The following TFAP2C variants were observed in gnomAD, a reference collection of about 807,000 sequenced individuals.
TFAP2C encodes transcription factor AP-2 gamma, also known as activating enhancer-binding protein 2 gamma.
In TFAP2C, 9 loss-of-function variants were observed where a neutral mutation model predicts 42.9. The observed-to-expected ratio is 0.21, with a 90% confidence interval of 0.13 to 0.37. The LOEUF (loss-of-function observed/expected upper bound fraction) is 0.37, where lower values mean the gene tolerates loss of function less well. TFAP2C is among the 10% of genes least tolerant of loss of function. The pLI is 1.00. For missense variants in TFAP2C, 462 were observed against 591.7 expected, an observed-to-expected ratio of 0.78 and a Z score of 2.27; for synonymous variants, 264 against 256.0, an observed-to-expected ratio of 1.03 and a Z score of -0.30.
intron 3 of TFAP2C, among the ~76,000 whole-genome samples, chr20:56,632,155 T>C (rs924034059): frequency 6.6e-6 from 1 of 152,230 alleles, no homozygotes; most frequent in Non-Finnish European, 1.5e-5. Flanking sequence ...GAGTGAACAC[T>C]GATTTAACTT....
chr20:56,629,658 G>T lies in TFAP2C; in HGVS notation c.48+66G>T. Reference sequence around the variant, plus strand: ...ACAGTCCGGGAGGCAGGGGCCACTGGACCGAGGTCGGGGACGAGGGCATAG... The same window carrying T: ...ACAGTCCGGGAGGCAGGGGCCACTGTACCGAGGTCGGGGACGAGGGCATAG... On this transcript the variant is annotated intron_variant, in intron 1 of 6. Transcript: ENST00000201031. The surrounding 1 kb of genome is among the most constrained non-coding windows in gnomAD (Gnocchi z 5.9). 1 of 1,294,418 alleles carries T rather than the reference G, an allele frequency of 7.7e-7. No individual in the cohort carries two copies. The allele number at this position is 1,294,418 out of a possible 1,614,324, so 80.2% of individuals were successfully genotyped here. A position where few individuals can be genotyped will look rare whatever the true frequency, so the allele number is the denominator to read the frequency against.
In TFAP2C at chr20:56,629,917, T is replaced by G. The variant is rs987413078; in HGVS notation, c.48+325T>G. 2.0e-5 allele frequency among the ~76,000 whole-genome samples: 3 copies of G among 152,020 alleles called. No homozygotes were observed. Among genetic ancestry groups the G allele is most frequent in the Admixed American group, 2.0e-4 (3 of 15,272 alleles). On this transcript the variant is annotated intron_variant, in intron 1 of 6. Coordinates refer to ENST00000201031, the MANE Select transcript of TFAP2C (RefSeq NM_003222.4). This position sits in a 1 kb window ranked among gnomAD's most constrained non-coding sequence, Gnocchi z 5.9. ...GTGCCCCGTCTGCAACCCTCAGACG[T>G]GGCTTTTACGCACGAAGTCTCTGTC...
At chr20:56,636,052 G>A (rs145482242) in intron 5 of TFAP2C, among the ~76,000 whole-genome samples, 1 of 152,236 alleles carries the variant, frequency 6.6e-6, no homozygotes, top group African/African-American at 2.4e-5. Context: ...GGATACAGAG[G>A]GCTGACTTGA....
chr20:56,629,482 C>A lies in TFAP2C; in HGVS notation c.-63C>A. The A allele has an allele frequency of 6.0e-6, 8 of 1,338,118 alleles. No individual in the cohort carries two copies. The highest frequency in any genetic ancestry group is 7.7e-6 in the Non-Finnish European group (8 of 1,033,972). 82.9% of individuals were successfully genotyped at this position (1,338,118 alleles called of 1,614,324 possible). On this transcript the variant is annotated 5_prime_UTR_variant, in exon 1 of 7. Transcript: ENST00000201031. This position sits in a 1 kb window ranked among gnomAD's most constrained non-coding sequence, Gnocchi z 5.9. The stretch of plus-strand genomic sequence containing the variant: ...CACCGTGACCCCGATTTTGGATTTA[C>A]CGCTTGGGGGCTGGGGGGATCCTGG...
At chr20:56,636,162 C>A (rs1297584016) in intron 5 of TFAP2C, among the ~76,000 whole-genome samples, 1 of 152,192 alleles carries the variant, frequency 6.6e-6, no homozygotes, top group African/African-American at 2.4e-5. Flanking sequence ...CTAGAAAGTT[C>A]TACCTACCAG....
At chr20:56,634,333 T>C in intron 5 of TFAP2C, 65 bp downstream of exon 5, 3 of 1,206,706 alleles carry the variant, frequency 2.5e-6, no homozygotes, top group Non-Finnish European at 3.6e-6. Flanking sequence ...TAATACTTAT[T>C]GCAGAAAAAC....
rs764190602 is a variant in TFAP2C at position 56,629,606 on chromosome 20, C to G, written c.48+14C>G. The G allele has an allele frequency of 1.4e-6, 2 of 1,404,710 alleles. No individual in the cohort carries two copies. Among genetic ancestry groups the G allele is most frequent in the African/African-American group, 3.0e-5 (2 of 67,148 alleles). The allele number at this position is 1,404,710 out of a possible 1,614,324, so 87.0% of individuals were successfully genotyped here. On this transcript the variant is annotated intron_variant, in intron 1 of 6. Transcript: ENST00000201031. The surrounding 1 kb of genome is among the most constrained non-coding windows in gnomAD (Gnocchi z 5.9). The stretch of plus-strand genomic sequence containing the variant: ...GAGGACTGCGAGGTGAGCTGGGGCT[C>G]CGGGGTGCAGCCCCGCCCCGCCGAG...
chr20:56,639,053 T>A lies in TFAP2C; in HGVS notation c.*1040T>A, dbSNP rs1205207747. ...TACAGGGTATTAAGAATTAAGAGGATGCTGGGCTCTGTTCTTGGCTTGGAA... is the reference window on the plus strand; with the variant it reads ...TACAGGGTATTAAGAATTAAGAGGAAGCTGGGCTCTGTTCTTGGCTTGGAA... On this transcript the variant is annotated 3_prime_UTR_variant, in exon 7 of 7. Transcript: ENST00000201031. 1 of 152,608 alleles carries A rather than the reference T, an allele frequency of 6.6e-6. No individual in the cohort carries two copies. Among genetic ancestry groups the A allele is most frequent in the Admixed American group, 6.6e-5 (1 of 15,264 alleles). The allele number at this position is 152,608 out of a possible 1,614,324, so 9.5% of individuals were successfully genotyped here. A position where few individuals can be genotyped will look rare whatever the true frequency, so the allele number is the denominator to read the frequency against.
In TFAP2C at chr20:56,638,093, C is replaced by T; in HGVS notation, c.*80C>T. 7.6e-7 allele frequency: 1 copy of T among 1,323,516 alleles called. No individual in the cohort carries two copies. Among genetic ancestry groups the T allele is most frequent in the Non-Finnish European group, 1.0e-6 (1 of 973,352 alleles). The allele number at this position is 1,323,516 out of a possible 1,614,324, so 82.0% of individuals were successfully genotyped here. A position where few individuals can be genotyped will look rare whatever the true frequency, so the allele number is the denominator to read the frequency against. On this transcript the variant is annotated 3_prime_UTR_variant, in exon 7 of 7. Coordinates refer to ENST00000201031, the MANE Select transcript of TFAP2C (RefSeq NM_003222.4). ...CTTCTCCACCGCACAGACTGGGAACCCCTCCTGGCCTGGGGGAAGAGTTTG... is the reference window on the plus strand; with the variant it reads ...CTTCTCCACCGCACAGACTGGGAACTCCTCCTGGCCTGGGGGAAGAGTTTG...
In TFAP2C at chr20:56,631,025, T is replaced by G; in HGVS notation, c.49-180T>G. ...GACTCTCCTCCCTCCCCGCACTCTT[T>G]GCTTACAACGAAATCCTCGGGGCGC... On this transcript the variant is annotated intron_variant, in intron 1 of 6. Coordinates refer to ENST00000201031, the MANE Select transcript of TFAP2C (RefSeq NM_003222.4). This position sits in a 1 kb window ranked among gnomAD's most constrained non-coding sequence, Gnocchi z 6.1. 1 of 985,296 alleles carries G rather than the reference T, an allele frequency of 1.0e-6. No homozygotes were observed. Among genetic ancestry groups the G allele is most frequent in the South Asian group, 4.7e-5 (1 of 21,286 alleles). 61.0% of individuals were successfully genotyped at this position (985,296 alleles called of 1,614,324 possible). A position where few individuals can be genotyped will look rare whatever the true frequency, so the allele number is the denominator to read the frequency against.
At chr20:56,633,648 C>A in intron 4 of TFAP2C, 79 bp downstream of exon 4, 1 of 1,050,364 alleles carries the variant, frequency 9.5e-7, no homozygotes, top group Non-Finnish European at 1.4e-6. Context: ...GTATTTTTAA[C>A]ATTTATGTGA....
chr20:56,638,091 A>G lies in TFAP2C; in HGVS notation c.*78A>G. 8 of 1,360,002 alleles carry G rather than the reference A, an allele frequency of 5.9e-6. No individual in the cohort carries two copies. The highest frequency in any genetic ancestry group is 8.0e-6 in the Non-Finnish European group (8 of 1,000,928). 84.2% of individuals were successfully genotyped at this position (1,360,002 alleles called of 1,614,324 possible). A position where few individuals can be genotyped will look rare whatever the true frequency, so the allele number is the denominator to read the frequency against. Reference sequence around the variant, plus strand: ...TCCTTCTCCACCGCACAGACTGGGAACCCCTCCTGGCCTGGGGGAAGAGTT... The same window carrying G: ...TCCTTCTCCACCGCACAGACTGGGAGCCCCTCCTGGCCTGGGGGAAGAGTT... On this transcript the variant is annotated 3_prime_UTR_variant, in exon 7 of 7. Coordinates refer to ENST00000201031, the MANE Select transcript of TFAP2C (RefSeq NM_003222.4).
In TFAP2C at chr20:56,631,670, C is replaced by A; in HGVS notation, c.514C>A (p.His172Asn). Residue 172 changes from histidine (H) to asparagine (N), a missense_variant, in exon 2 of 7, where the codon CAC (histidine) becomes AAC (asparagine). By Grantham distance (68) the His-to-Asn change is moderately conservative (BLOSUM62 1). Transcript: ENST00000201031. The surrounding 1 kb of genome is among the most constrained non-coding windows in gnomAD (Gnocchi z 6.1). ...AENLGLHDMP[H>N]QMDEVQNVDD... ...GAACCTGGGGCTCCACGACATGCCT[C>A]ACCAGATGGACGAGGTGCAGGTGAG... The A allele has an allele frequency of 6.3e-7, 1 of 1,589,612 alleles. No individual in the cohort carries two copies.
At chr20:56,635,220 C>T (rs1424906335) in intron 5 of TFAP2C, among the ~76,000 whole-genome samples, 1 of 152,168 alleles carries the variant, frequency 6.6e-6, no homozygotes, top group African/African-American at 2.4e-5. Context: ...AGCTGTCCTG[C>T]CTGTAGAATC....
rs1271080617 is a variant in TFAP2C, at chr20:56,639,095, A to C, written c.*1082A>C. The C allele has an allele frequency of 6.6e-6, 1 of 152,572 alleles. No homozygotes were observed. Among genetic ancestry groups the C allele is most frequent in the Non-Finnish European group, 1.5e-5 (1 of 68,024 alleles). The allele number at this position is 152,572 out of a possible 1,614,324, so 9.5% of individuals were successfully genotyped here. A position where few individuals can be genotyped will look rare whatever the true frequency, so the allele number is the denominator to read the frequency against. On this transcript the variant is annotated 3_prime_UTR_variant, in exon 7 of 7. Coordinates refer to ENST00000201031, the MANE Select transcript of TFAP2C (RefSeq NM_003222.4). ...GGCTTGGAAGATTCTATTTAATTGA[A>C]ACTCTCTGTTCAGAAAGCAATAACT... is the stretch of plus-strand genomic sequence containing the variant.
Position 56,629,421 on chromosome 20 carries a change from G to A in TFAP2C, c.-124G>A. 1 of 830,134 alleles carries A rather than the reference G, an allele frequency of 1.2e-6. No individual in the cohort carries two copies. Among genetic ancestry groups the A allele is most frequent in the Non-Finnish European group, 1.7e-6 (1 of 585,878 alleles). The allele number at this position is 830,134 out of a possible 1,614,324, so 51.4% of individuals were successfully genotyped here. A position where few individuals can be genotyped will look rare whatever the true frequency, so the allele number is the denominator to read the frequency against. Reference sequence around the variant, plus strand: ...CGTGTCCAGTGACCCGGACAGCAAGGCCCGCGCGCGGCGGGGGCGGCGGCA... The same window carrying A: ...CGTGTCCAGTGACCCGGACAGCAAGACCCGCGCGCGGCGGGGGCGGCGGCA... On this transcript the variant is annotated 5_prime_UTR_variant, in exon 1 of 7. Transcript: ENST00000201031. This position sits in a 1 kb window ranked among gnomAD's most constrained non-coding sequence, Gnocchi z 5.9.
chr20:56,637,815 C>T lies in TFAP2C; in HGVS notation c.1155C>T (p.Asn385=). Residue 385 remains asparagine (N), a synonymous_variant, in exon 7 of 7, where the codon AAC becomes AAT. Transcript: ENST00000201031. ...TSRLAPVLET[N]IQNCLSHFSL... is the part of the protein sequence containing the mutation. ...GGCTCGCCCCAGTCTTGGAGACGAA[C>T]ATACAGAACTGCTTGTCTCATTTCA... is the stretch of plus-strand genomic sequence containing the variant. 6.2e-7 allele frequency: 1 copy of T among 1,613,298 alleles called. No homozygotes were observed. Among genetic ancestry groups the T allele is most frequent in the Non-Finnish European group, 8.5e-7 (1 of 1,179,224 alleles).
Position 56,636,726 on chromosome 20 carries a change from G to A in TFAP2C, c.1039G>A (p.Ala347Thr). The A allele has an allele frequency of 6.2e-7, 1 of 1,613,718 alleles. No homozygotes were observed. Among genetic ancestry groups the A allele is most frequent in the Non-Finnish European group, 8.5e-7 (1 of 1,179,930 alleles). Residue 347 changes from alanine (A) to threonine (T), a missense_variant, in exon 6 of 7, where the codon GCT becomes ACT. Physicochemically the swap from Ala to Thr is moderately conservative, Grantham distance 58. This residue lies in a region of TFAP2C where 130 missense variants were observed against 160.8 expected (regional missense o/e 0.81). Transcript: ENST00000201031. ...PHLGGRNEMA[A>T]RKNMLLAAQQ... ...TCTTGGAGGACGAAATGAGATGGCA[G>A]CTAGGAAGAACATGCTATTGGCGGC...
intron 5 of TFAP2C, 84 bp from the exon 6 acceptor site, chr20:56,636,525 CA>C (rs74181067): frequency 0.13 from 153,373 of 1,198,646 alleles, 3 homozygotes; most frequent in South Asian, 0.17. Flanking sequence ...GACTCCGTGT[CA>C]AAAAAAAAAA....
Sources: allele counts gnomAD v4.1 joint callset (sites outside exome capture counted in the v4.1 genomes callset), GRCh38; gene constraint gnomAD v4.1.1; regional missense constraint gnomAD v4.1.1; non-coding constraint Gnocchi (gnomAD v3.1); transcripts MANE v1.5; gene names NCBI Gene and HGNC (gene_info 2026-07-23, HGNC 2026-07-21).